The following CDH17 variants were observed in gnomAD, a reference collection of about 807,000 sequenced individuals.
The protein encoded by CDH17 is cadherin 17.
A neutral mutation model predicts 86.3 loss-of-function variants in CDH17; 67 were observed. The ratio of observed to expected loss-of-function variants is 0.78; its 90% CI spans 0.64 to 0.95. The LOEUF is 0.95. Among genes scored for constraint, CDH17 ranks in the 40% least tolerant of loss-of-function variants. The pLI is 0.00. For missense variants in CDH17, 993 were observed against 1,017.6 expected (o/e 0.98, Z 0.33); for synonymous variants, 367 against 366.4 (o/e 1.00, Z -0.02).
chr8:94,205,495 C>T (rs1370597858), intron 1 of CDH17, among the ~76,000 whole-genome samples: 1 of 151,980 alleles, frequency 6.6e-6, no homozygotes, highest in Non-Finnish European at 1.5e-5. Flanking sequence ...ACTCTAATAC[C>T]AGTTCATTTG....
At chr8:94,133,932 G>T (rs772247474) in intron 15 of CDH17, among the ~76,000 whole-genome samples, 3 of 152,116 alleles carry the variant, frequency 2.0e-5, no homozygotes, top group Non-Finnish European at 2.9e-5. Flanking sequence ...TTTGTCATTG[G>T]TTTTTCTTAT....
Position 94,177,680 on chromosome 8 carries a change from C to A in CDH17, c.192G>T (p.Gly64=). Residue 64 remains glycine, a synonymous_variant, in exon 4 of 18, where the codon GGG becomes GGT. Coordinates refer to ENST00000027335, the MANE Select transcript of CDH17 (RefSeq NM_004063.4). ...CTATCACAAATATGTTGTCTGTCTCCCCAGTTAGTTCAAAAGTCACAGCAG... is the reference window on the plus strand; with the variant it reads ...CTATCACAAATATGTTGTCTGTCTCACCAGTTAGTTCAAAAGTCACAGCAG... ...NPPAVTFELT[G]ETDNIFVIER... is the part of the protein sequence containing the mutation. The A allele has an allele frequency of 6.2e-7, 1 of 1,613,726 alleles. No individual in the cohort carries two copies. The highest frequency in any genetic ancestry group is 1.1e-5 in the South Asian group (1 of 91,062).
intron 1 of CDH17, among the ~76,000 whole-genome samples, chr8:94,195,388 A>G (rs1471081607): frequency 6.6e-6 from 1 of 152,220 alleles, no homozygotes; most frequent in Non-Finnish European, 1.5e-5. Flanking sequence ...AGCCACAAAC[A>G]TATGAGATTC....
At chr8:94,172,192 T>C (rs1374243646) in intron 7 of CDH17, among the ~76,000 whole-genome samples, 2 of 151,876 alleles carry the variant, frequency 1.3e-5, no homozygotes, top group Non-Finnish European at 2.9e-5. Context: ...CCAATCCCTT[T>C]GGGAGTAACC....
intron 1 of CDH17, among the ~76,000 whole-genome samples, chr8:94,198,879 A>C (rs1378976431): frequency 6.6e-6 from 1 of 151,922 alleles, no homozygotes; most frequent in African/African-American, 2.4e-5. Context: ...AATGAACTAC[A>C]CCACTTCTAG....
At chr8:94,160,234 T>G in intron 11 of CDH17, 72 bp from the exon 12 acceptor site, 2 of 1,192,414 alleles carry the variant, frequency 1.7e-6, no homozygotes, top group Non-Finnish European at 2.4e-6. Context: ...AACTTATCTC[T>G]CTGGTTTCAG....
At chr8:94,135,424 T>C (rs1382337209) in intron 15 of CDH17, among the ~76,000 whole-genome samples, 2 of 152,222 alleles carry the variant, frequency 1.3e-5, no homozygotes, top group Non-Finnish European at 2.9e-5. Context: ...GCCTCCTTTG[T>C]CTCTTTTCAT....
chr8:94,166,510 A>T (rs1274221760), intron 9 of CDH17, among the ~76,000 whole-genome samples: 1 of 152,218 alleles, frequency 6.6e-6, no homozygotes, highest in Non-Finnish European at 1.5e-5. Context: ...GGGAGGGGGA[A>T]GATGTAGCCT....
chr8:94,156,455 G>A (rs958672233), intron 12 of CDH17, among the ~76,000 whole-genome samples: 2 of 152,198 alleles, frequency 1.3e-5, no homozygotes, highest in African/African-American at 4.8e-5. Context: ...GAGCCAGGCA[G>A]GGCTCAAAGA....
At chr8:94,129,895 G>A (rs577906082) in intron 17 of CDH17, among the ~76,000 whole-genome samples, 1 of 152,248 alleles carries the variant, frequency 6.6e-6, no homozygotes, top group East Asian at 1.9e-4. Context: ...TGAATTTTGT[G>A]TTGAGACTTG....
Position 94,162,203 on chromosome 8 carries a change from A to G in CDH17, c.1283-41T>C, listed in dbSNP as rs780367002. On this transcript the variant is annotated intron_variant, in intron 10 of 17. Coordinates refer to ENST00000027335, the MANE Select transcript of CDH17 (RefSeq NM_004063.4). Reference sequence around the variant, plus strand: ...ATATGTCATAGAAATTTTCACTGAAAACCATGCATTAATATCAGAAATCTG... The same window carrying G: ...ATATGTCATAGAAATTTTCACTGAAGACCATGCATTAATATCAGAAATCTG... 4.0e-6 allele frequency: 5 copies of G among 1,262,136 alleles called. No individual in the cohort carries two copies. In the Admixed American group the frequency reaches 7.1e-5, roughly 18 times the overall value. The allele number at this position is 1,262,136 out of a possible 1,614,324, so 78.2% of individuals were successfully genotyped here.
intron 1 of CDH17, among the ~76,000 whole-genome samples, chr8:94,197,773 G>A (rs1369148962): frequency 1.3e-5 from 2 of 149,784 alleles, no homozygotes; most frequent in African/African-American, 4.9e-5. Flanking sequence ...AGAGGTTGCA[G>A]TGAGTTGAGA....
chr8:94,140,036 T>C (rs1235844560), intron 15 of CDH17, among the ~76,000 whole-genome samples: 3 of 152,176 alleles, frequency 2.0e-5, no homozygotes, highest in Admixed American at 6.5e-5. Context: ...GTATAAGGTA[T>C]AGGAAATATT....
rs1165226492 is a variant in CDH17, at chr8:94,165,825, A to G, written c.1218T>C (p.Ala406=). The change falls in exon 10 of 18, where the codon GCT becomes GCC. Residue 406 remains alanine, a synonymous_variant. Coordinates refer to ENST00000027335, the MANE Select transcript of CDH17 (RefSeq NM_004063.4). ...TATCTTGCTTCTTCAAGGACTGTTT[A>G]GCTAACTGTAACATTCCAGCATAGG... ...IQTYAGMLQL[A]KQSLKKQDTP... The G allele has an allele frequency of 6.2e-7, 1 of 1,613,962 alleles. No individual in the cohort carries two copies. Among genetic ancestry groups the G allele is most frequent in the South Asian group, 1.1e-5 (1 of 91,086 alleles).
intron 13 of CDH17, 24 bp from the exon 14 acceptor site, chr8:94,148,898 A>G (rs1812804988): frequency 1.3e-6 from 2 of 1,590,418 alleles, no homozygotes; most frequent in African/African-American, 2.7e-5. Context: ...AAAGAGCAAA[A>G]GAAAGCCTGC....
At chr8:94,143,836 G>A (rs180796088) in intron 15 of CDH17, among the ~76,000 whole-genome samples, 32 of 152,258 alleles carry the variant, frequency 2.1e-4, no homozygotes, top group African/African-American at 6.7e-4. Context: ...TGGTTTAAAG[G>A]ACTATTGTTG....
chr8:94,193,351 G>A (rs1471708392), intron 2 of CDH17, among the ~76,000 whole-genome samples: 1 of 152,162 alleles, frequency 6.6e-6, no homozygotes, highest in Non-Finnish European at 1.5e-5. Flanking sequence ...AGTCCATGTG[G>A]ACGTACACAC....
intron 1 of CDH17, among the ~76,000 whole-genome samples, chr8:94,197,778 T>C (rs1012902846): frequency 1.3e-4 from 20 of 149,538 alleles, no homozygotes; most frequent in Non-Finnish European, 3.0e-4. Context: ...TTGCAGTGAG[T>C]TGAGACTGGG....
At chr8:94,161,857 G>A (rs1459593450) in intron 11 of CDH17, among the ~76,000 whole-genome samples, 13 of 152,160 alleles carry the variant, frequency 8.5e-5, no homozygotes, top group Admixed American at 8.5e-4. Flanking sequence ...GAATAAATGA[G>A]CTATTGGCAG....
Sources: gnomAD v4.1 joint callset for allele counts (sites outside exome capture counted in the v4.1 genomes callset) on GRCh38, gnomAD v4.1.1 for gene constraint, MANE v1.5 for transcripts, NCBI Gene and HGNC (gene_info 2026-07-23, HGNC 2026-07-21) for gene names.